The following CNGA1 variants were observed in gnomAD, a reference collection of about 807,000 sequenced individuals.
CNGA1 encodes the protein cyclic nucleotide gated channel subunit alpha 1.
A neutral mutation model predicts 69.7 loss-of-function variants in CNGA1; 53 were observed. The observed-to-expected ratio is 0.76, with a 90% CI of 0.61 to 0.96. CNGA1 has a LOEUF of 0.96. Among genes scored for constraint, CNGA1 ranks in the 40% least tolerant of loss-of-function variants. CNGA1 has a pLI of 0.00. For missense variants in CNGA1, 739 were observed against 811.2 expected, an observed-to-expected ratio of 0.91 and a Z score of 1.08; for synonymous variants, 249 against 283.5, an observed-to-expected ratio of 0.88 and a Z score of 1.22.
intron 3 of CNGA1, chr4:47,971,096 T>C: frequency 2.2e-6 from 1 of 451,090 alleles, no homozygotes; most frequent in Non-Finnish European, 4.4e-6. Flanking sequence ...AGAGCGAGAC[T>C]CCATCTAAAA....
intron 6 of CNGA1, among the ~76,000 whole-genome samples, chr4:47,947,540 C>T (rs993528468): frequency 6.6e-6 from 1 of 152,080 alleles, no homozygotes; most frequent in African/African-American, 2.4e-5. Flanking sequence ...CGTGGTGGCT[C>T]ACGCCTGTAA....
chr4:47,990,193 G>T (rs924718837), intron 2 of CNGA1, among the ~76,000 whole-genome samples: 2 of 152,132 alleles, frequency 1.3e-5, no homozygotes, highest in Non-Finnish European at 2.9e-5. Context: ...GGAGGATAAA[G>T]GTCTGACTGC....
At chr4:48,002,683 CAAAAA>C (rs34405949) in intron 2 of CNGA1, among the ~76,000 whole-genome samples, 1 of 117,776 alleles carries the variant, frequency 8.5e-6, no homozygotes. Flanking sequence ...GTCAGACATG[CAAAAA>C]AAAAAAAAAA....
chr4:47,949,411 T>C (rs1739611898), intron 6 of CNGA1, among the ~76,000 whole-genome samples: 1 of 152,178 alleles, frequency 6.6e-6, no homozygotes, highest in Non-Finnish European at 1.5e-5. Context: ...GTTCGACTTC[T>C]CCCTCTGCCC....
At chr4:47,969,457 GT>G (rs1282687571) in intron 3 of CNGA1, among the ~76,000 whole-genome samples, 1 of 151,992 alleles carries the variant, frequency 6.6e-6, no homozygotes, top group African/African-American at 2.4e-5. Context: ...TTTTTTGTTT[GT>G]TTTTTGTTTT....
chr4:47,996,877 T>C (rs956103822), intron 2 of CNGA1, among the ~76,000 whole-genome samples: 1 of 151,968 alleles, frequency 6.6e-6, no homozygotes, highest in African/African-American at 2.4e-5. Context: ...CTGGCCAACA[T>C]GGTGAAACCT....
In CNGA1 at chr4:47,951,539, C is replaced by T; in HGVS notation, c.108-70G>A. On this transcript the variant is annotated intron_variant, in intron 4 of 10. Transcript: ENST00000514170. ...ACCACTGCAGAGAGGCAACATTCCTCACTAGGGGGACAATTGCCTCACCTC... is the reference window on the plus strand; with the variant it reads ...ACCACTGCAGAGAGGCAACATTCCTTACTAGGGGGACAATTGCCTCACCTC... 1.2e-5 allele frequency: 12 copies of T among 968,314 alleles called. 1 individual carries two copies. In the South Asian group the frequency reaches 1.5e-4, roughly 12 times the overall value. 60.0% of individuals were successfully genotyped at this position (968,314 alleles called of 1,614,324 possible).
chr4:47,998,196 G>C (rs771485139), intron 2 of CNGA1, among the ~76,000 whole-genome samples: 1 of 152,152 alleles, frequency 6.6e-6, no homozygotes, highest in Non-Finnish European at 1.5e-5. Flanking sequence ...TAGCTAAGGA[G>C]TCAGAAATAT....
At position 47,968,485 on chromosome 4, in the gene CNGA1, AGGT is replaced by A. The variant is rs143799466; in HGVS notation, c.-15+12905_-15+12907del. ...GCCAATCAGAAAAACGGCTAACATC[AGGT>A]GGTTCAATAGAGGGAATTTAATACA... is the stretch of plus-strand genomic sequence containing the variant. On this transcript the variant is annotated intron_variant, in intron 3 of 10. Transcript: ENST00000514170. Among the ~76,000 whole-genome samples the A allele has an allele frequency of 9.0e-3, 1,367 of 152,258 alleles. 18 individuals are homozygous for A. Among genetic ancestry groups the A allele is most frequent in the African/African-American group, 0.03 (1,254 of 41,560 alleles).
At chr4:47,939,635 G>C (rs2110134895) in intron 10 of CNGA1, among the ~76,000 whole-genome samples, 1 of 152,296 alleles carries the variant, frequency 6.6e-6, no homozygotes, top group Admixed American at 6.5e-5. Context: ...CCCTTAACCT[G>C]TTGGGCCTGT....
intron 2 of CNGA1, among the ~76,000 whole-genome samples, chr4:47,982,378 G>A (rs987782171): frequency 9.9e-5 from 15 of 152,178 alleles, no homozygotes; most frequent in African/African-American, 3.1e-4. Flanking sequence ...CTCCAGTAGC[G>A]TAGGAGGCTC....
intron 3 of CNGA1, among the ~76,000 whole-genome samples, chr4:47,962,817 A>G (rs1325402577): frequency 6.6e-6 from 1 of 152,196 alleles, no homozygotes; most frequent in Non-Finnish European, 1.5e-5. Context: ...CCATTTCAAT[A>G]ATCCACTTTT....
At chr4:47,999,269 A>G (rs1714549232) in intron 2 of CNGA1, among the ~76,000 whole-genome samples, 1 of 152,232 alleles carries the variant, frequency 6.6e-6, no homozygotes, top group Non-Finnish European at 1.5e-5. Flanking sequence ...AAAATTTGGT[A>G]CTGTCCATGG....
At position 48,008,372 on chromosome 4, in the gene CNGA1, C is replaced by T. The variant is rs1578129736; in HGVS notation, c.-123+2422G>A. ...TAAGCTTTCTTACCAAAATATACCTCTTTATTTCTATAAGTTTCTTTACAT... is the reference window on the plus strand; with the variant it reads ...TAAGCTTTCTTACCAAAATATACCTTTTTATTTCTATAAGTTTCTTTACAT... On this transcript the variant is annotated intron_variant, in intron 2 of 10. Transcript: ENST00000514170. Among the ~76,000 whole-genome samples, 6 of 152,198 alleles carry T rather than the reference C, an allele frequency of 3.9e-5. No individual in the cohort carries two copies. In the East Asian group the frequency reaches 1.2e-3, roughly 29 times the overall value.
In CNGA1 at chr4:47,951,420, T is replaced by C. The variant is rs2110157850; in HGVS notation, c.157A>G (p.Asn53Asp). ...DSASTSEESE[N>D]ENPHARGSFS... ...GAACCCCTTGCATGAGGGTTTTCAT[T>C]CTCTGATTCTTCAGATGTAGAGGCA... Residue 53 changes from asparagine (N) to aspartate (D), a missense_variant, in exon 5 of 11, where the codon AAT (asparagine) becomes GAT (aspartate). By Grantham distance (23) the Asn-to-Asp change is conservative. Transcript: ENST00000514170. 1 of 1,613,928 alleles carries C rather than the reference T, an allele frequency of 6.2e-7. No individual in the cohort carries two copies. Among genetic ancestry groups the C allele is most frequent in the Non-Finnish European group, 8.5e-7 (1 of 1,179,838 alleles).
chr4:47,948,539 T>TC (rs1394876959), intron 6 of CNGA1, among the ~76,000 whole-genome samples: 4 of 152,166 alleles, frequency 2.6e-5, no homozygotes, highest in Non-Finnish European at 5.9e-5. Flanking sequence ...GGGTGATGCA[T>TC]CTGCCAGGGA....
chr4:47,975,975 C>T (rs1170650228), intron 3 of CNGA1, among the ~76,000 whole-genome samples: 2 of 150,736 alleles, frequency 1.3e-5, no homozygotes, highest in East Asian at 3.9e-4. Context: ...TCTTAGGGTT[C>T]CTCACCCCAA....
intron 2 of CNGA1, among the ~76,000 whole-genome samples, chr4:47,985,891 G>A (rs765089052): frequency 6.6e-5 from 10 of 152,108 alleles, no homozygotes; most frequent in Non-Finnish European, 1.3e-4. Flanking sequence ...TTGTAAAATG[G>A]AAATAACACC....
intron 2 of CNGA1, among the ~76,000 whole-genome samples, chr4:47,995,932 C>T (rs972092278): frequency 7.2e-5 from 11 of 152,118 alleles, no homozygotes; most frequent in African/African-American, 2.7e-4. Context: ...TCTAGCCACC[C>T]AGCAAGTCTA....
Sources: gnomAD v4.1 joint callset for allele counts (sites outside exome capture counted in the v4.1 genomes callset) on GRCh38, gnomAD v4.1.1 for gene constraint, MANE v1.5 for transcripts, NCBI Gene and HGNC (gene_info 2026-07-23, HGNC 2026-07-21) for gene names.